Variants in TBPL2 observed in about 807,000 individuals in gnomAD.
TBPL2 encodes TATA box-binding protein-like 2.
A neutral mutation model predicts 38.2 loss-of-function variants in TBPL2; 40 were observed. That is an observed-to-expected ratio of 1.05 (90% CI 0.81 to 1.36). The LOEUF is 1.36. Among genes scored for constraint, TBPL2 ranks in the 40% most tolerant of loss-of-function variants. TBPL2 has a pLI of 0.00. For synonymous variants in TBPL2, 169 were observed against 171.7 expected (o/e 0.98, Z 0.12); for missense variants, 461 against 456.7 (o/e 1.01, Z -0.09).
Position 55,440,469 on chromosome 14 carries a change from G to C in TBPL2, c.77C>G (p.Pro26Arg). 4 of 1,611,620 alleles carry C rather than the reference G, an allele frequency of 2.5e-6. No individual in the cohort carries two copies. The highest frequency in any genetic ancestry group is 3.4e-6 in the Non-Finnish European group (4 of 1,178,772). ...CTCCATGGACCGTAATCCCACTGTT[G>C]GGGGTGGGGGCGGGTAAGAGGGTAA... Residue 26 changes from proline (P) to arginine (R), a missense_variant, in exon 1 of 7, where the codon CCA (proline) becomes CGA (arginine). Physicochemically the swap from Pro to Arg is moderately radical, Grantham distance 103 (BLOSUM62 -2). Transcript: ENST00000247219.
intron 6 of TBPL2, among the ~76,000 whole-genome samples, chr14:55,420,220 A>G (rs1885722589): frequency 6.6e-6 from 1 of 152,148 alleles, no homozygotes; most frequent in Admixed American, 6.5e-5. Context: ...ACAGGCACGC[A>G]CCACAATGCC....
intron 4 of TBPL2, among the ~76,000 whole-genome samples, chr14:55,433,309 CTTTTT>C (rs71131269): frequency 6.3e-4 from 76 of 119,890 alleles, no homozygotes; most frequent in African/African-American, 2.3e-3. Context: ...TTAGATTTCT[CTTTTT>C]TTTTTTTTTT....
In TBPL2 at chr14:55,436,833, GTC is replaced by G. The variant is rs1297830507; in HGVS notation, c.334_335del (p.Asp112ProfsTer5). The stretch of plus-strand genomic sequence containing the variant: ...TTTCGTGTTTGCTAATGACAGGCTG[GTC>G]TTTATTTTCCTGGGTAACTTCATCT... On this transcript the variant is annotated frameshift_variant, in exon 2 of 7. Coordinates refer to ENST00000247219, the Ensembl canonical transcript of TBPL2. LOFTEE classifies it high-confidence loss of function. 6.2e-7 allele frequency: 1 copy of G among 1,614,112 alleles called. No individual in the cohort carries two copies. Among genetic ancestry groups the G allele is most frequent in the African/African-American group, 1.3e-5 (1 of 74,932 alleles).
At chr14:55,418,178 G>A (rs1387861299) in intron 6 of TBPL2, among the ~76,000 whole-genome samples, 1 of 152,202 alleles carries the variant, frequency 6.6e-6, no homozygotes, top group Non-Finnish European at 1.5e-5. Context: ...ATTTATTTAT[G>A]TCTGTCTCCC....
intron 5 of TBPL2, among the ~76,000 whole-genome samples, chr14:55,428,117 A>ATTTTTT (rs1420262023): frequency 1.7e-4 from 8 of 48,350 alleles, no homozygotes; most frequent in South Asian, 7.9e-4. Context: ...CACATGCCTT[A>ATTTTTT]TCTTTTTTTT....
chr14:55,439,505 G>GT (rs1457564585), intron 1 of TBPL2, among the ~76,000 whole-genome samples: 2 of 151,626 alleles, frequency 1.3e-5, no homozygotes, highest in African/African-American at 4.8e-5. Flanking sequence ...GAACCAGGCG[G>GT]GGGGCCAGGA....
intron 5 of TBPL2, among the ~76,000 whole-genome samples, chr14:55,425,600 G>A (rs1885809277): frequency 6.6e-6 from 1 of 152,156 alleles, no homozygotes; most frequent in African/African-American, 2.4e-5. Flanking sequence ...GGTTAGGGAT[G>A]GAGAACATTT....
chr14:55,431,117 C>A (rs948450353), intron 4 of TBPL2, among the ~76,000 whole-genome samples: 5 of 152,178 alleles, frequency 3.3e-5, no homozygotes, highest in Admixed American at 6.5e-5. Flanking sequence ...ACACAGGTAT[C>A]CCTCATACTC....
In TBPL2 at chr14:55,414,301, TAGA is replaced by T. The variant is rs1307001536; in HGVS notation, c.*75_*77del. On this transcript the variant is annotated 3_prime_UTR_variant, in exon 7 of 7. Coordinates refer to ENST00000247219, the Ensembl canonical transcript of TBPL2. ...TACTTGTAACATCTACAATTAAACG[TAGA>T]AGAATCCAGCTGTTTCTGTGCTGGG... The T allele has an allele frequency of 5.4e-6, 6 of 1,101,106 alleles. No individual in the cohort carries two copies. In the East Asian group the frequency reaches 9.6e-5, roughly 18 times the overall value. The allele number at this position is 1,101,106 out of a possible 1,614,324, so 68.2% of individuals were successfully genotyped here. A position where few individuals can be genotyped will look rare whatever the true frequency, so the allele number is the denominator to read the frequency against.
intron 5 of TBPL2, among the ~76,000 whole-genome samples, chr14:55,425,591 G>T (rs928527611): frequency 6.6e-6 from 1 of 152,152 alleles, no homozygotes; most frequent in Non-Finnish European, 1.5e-5. Context: ...AGTGGTTTTG[G>T]TTAGGGATGG....
chr14:55,422,646 G>A (rs1200972804), intron 6 of TBPL2, among the ~76,000 whole-genome samples: 1 of 152,142 alleles, frequency 6.6e-6, no homozygotes, highest in Non-Finnish European at 1.5e-5. Flanking sequence ...GAGGCCAGAG[G>A]TTCGAGACCA....
intron 6 of TBPL2, among the ~76,000 whole-genome samples, chr14:55,422,309 G>T (rs140782505): frequency 1.3e-5 from 2 of 152,182 alleles, no homozygotes; most frequent in African/African-American, 2.4e-5. Flanking sequence ...TAGACTACGC[G>T]ATCTCAGCTC....
chr14:55,436,576 AT>A lies in TBPL2; in HGVS notation c.592del (p.Ile198LeufsTer8). ...AAAAACTTACTGTAGTTGAGGTACA[AT>A]TCCACAACATTCTGAAATAGGGGTC... is the stretch of plus-strand genomic sequence containing the variant. On this transcript the variant is annotated frameshift_variant, in exon 2 of 7. Transcript: ENST00000247219. LOFTEE classifies it high-confidence loss of function. The A allele has an allele frequency of 6.2e-7, 1 of 1,614,094 alleles. No homozygotes were observed. The highest frequency in any genetic ancestry group is 8.5e-7 in the Non-Finnish European group (1 of 1,179,902).
At chr14:55,429,475 G>C (rs1885888007) in intron 4 of TBPL2, among the ~76,000 whole-genome samples, 1 of 152,164 alleles carries the variant, frequency 6.6e-6, no homozygotes, top group Non-Finnish European at 1.5e-5. Context: ...ATTTAGAAGA[G>C]AACAATGGCT....
In TBPL2 at chr14:55,418,914, A is replaced by G. The variant is rs567844955; in HGVS notation, c.1052-4459T>C. ...TCCTTACAACACTTAGGTAGATTCT[A>G]TGGTCACTTGCATTTTGCATATATG... On this transcript the variant is annotated intron_variant, in intron 6 of 6. Transcript: ENST00000247219. Among the ~76,000 whole-genome samples the G allele has an allele frequency of 1.8e-4, 27 of 152,302 alleles. No homozygotes were observed. In the South Asian group the frequency reaches 4.1e-3, roughly 23 times the overall value.
At chr14:55,435,375 A>T (rs1885997109) in intron 3 of TBPL2, among the ~76,000 whole-genome samples, 1 of 151,354 alleles carries the variant, frequency 6.6e-6, no homozygotes, top group African/African-American at 2.4e-5. Context: ...TCCTGGGTTC[A>T]AGTGATTCTC....
chr14:55,440,526 G>T lies in TBPL2; in HGVS notation c.20C>A (p.Pro7Gln), dbSNP rs200807899. 5.6e-6 allele frequency: 9 copies of T among 1,608,254 alleles called. No homozygotes were observed. In the South Asian group the frequency reaches 1.0e-4, roughly 18 times the overall value. ...AGCGAGCAGCCTCGGAACCCGCTCC[G>T]GCCAGGGCGCAGAGGCCATTTATGA... The change falls in exon 1 of 7, where the codon CCG becomes CAG. Residue 7 changes from proline (P) to glutamine (Q), a missense_variant. Physicochemically the swap from Pro to Gln is moderately conservative, Grantham distance 76. Transcript: ENST00000247219.
chr14:55,416,547 A>G (rs1885672550), intron 6 of TBPL2, among the ~76,000 whole-genome samples: 1 of 152,208 alleles, frequency 6.6e-6, no homozygotes, highest in Non-Finnish European at 1.5e-5. Context: ...TGGGGAGGAG[A>G]GTGAGTTACT....
chr14:55,420,978 G>A (rs1383759956), intron 6 of TBPL2, among the ~76,000 whole-genome samples: 4 of 150,458 alleles, frequency 2.7e-5, no homozygotes, highest in South Asian at 2.1e-4. Context: ...GGAGAATGGC[G>A]TGAACCCGGG....
Sources: gnomAD v4.1 joint callset for allele counts (sites outside exome capture counted in the v4.1 genomes callset) on GRCh38, gnomAD v4.1.1 for gene constraint, MANE v1.5 for transcripts, NCBI Gene and HGNC (gene_info 2026-07-23, HGNC 2026-07-21) for gene names.